Variants in TAT observed in about 807,000 individuals in gnomAD.
The protein encoded by TAT is L-tyrosine:2-oxoglutarate aminotransferase.
A neutral mutation model predicts 53.6 loss-of-function variants in TAT; 35 were observed. The observed-to-expected ratio is 0.65, with a 90% CI of 0.50 to 0.87. The LOEUF (loss-of-function observed/expected upper bound fraction) is 0.87, where lower values mean the gene tolerates loss of function less well. Among genes scored for constraint, TAT ranks in the 40% least tolerant of loss-of-function variants. The pLI is 0.00. For synonymous variants in TAT, 197 were observed against 206.5 expected, an observed-to-expected ratio of 0.95 and a Z score of 0.39; for missense variants, 525 against 571.8, an observed-to-expected ratio of 0.92 and a Z score of 0.83.
intron 3 of TAT, among the ~76,000 whole-genome samples, chr16:71,574,016 A>G (rs76705967): frequency 0.18 from 27,787 of 152,084 alleles, 2,725 homozygotes; most frequent in African/African-American, 0.25. Flanking sequence ...ACTGACAGCT[A>G]TGCCCTGGAG....
rs1467450215 is a variant in TAT at position 71,572,204 on chromosome 16, G to C, written c.688C>G (p.Leu230Val). ...GACGTACCTGCCAGAATCTTCTGAA[G>C]ATGACGTTTGCTGAACACTGACCCA... Reference protein sequence around the residue: ...PCGSVFSKRHLQKILAVAARQ... With the variant: ...PCGSVFSKRHVQKILAVAARQ... Residue 230 changes from leucine (L) to valine (V), a missense_variant, in exon 6 of 12, where the codon CTT (leucine) becomes GTT (valine). Physicochemically the swap from Leu to Val is conservative, Grantham distance 32. Transcript: ENST00000355962. 7 of 1,614,062 alleles carry C rather than the reference G, an allele frequency of 4.3e-6. No individual in the cohort carries two copies. The Admixed American group carries it at 1.2e-4, about 27-fold the overall frequency.
In TAT at chr16:71,569,948, AG is replaced by A. The variant is rs764903489; in HGVS notation, c.1042-12del. The A allele has an allele frequency of 3.7e-6, 6 of 1,611,302 alleles. No individual in the cohort carries two copies. The East Asian group carries it at 1.3e-4, about 36-fold the overall frequency. On this transcript the variant is annotated splice_polypyrimidine_tract_variant and intron_variant, in intron 9 of 11. Transcript: ENST00000355962. ...GAGATCAGCATTGGACTACAAGAAG[AG>A]GCAAGGAGAAATCAAGGATCAAAAT...
intron 10 of TAT, among the ~76,000 whole-genome samples, chr16:71,569,059 G>A (rs2145229551): frequency 6.6e-6 from 1 of 152,264 alleles, no homozygotes; most frequent in South Asian, 2.1e-4. Flanking sequence ...ATGCTAGTAT[G>A]TCTCAAAAGA....
At position 71,576,133 on chromosome 16, in the gene TAT, A is replaced by C. The variant is rs143403026; in HGVS notation, c.235+48T>G. On this transcript the variant is annotated intron_variant, in intron 2 of 11. Coordinates refer to ENST00000355962, the MANE Select transcript of TAT (RefSeq NM_000353.3). ...CTTCTCCAACCAGCCTGTGAACATG[A>C]GAGTAGAGGAGGACAATGACAGCCC... 2.7e-4 allele frequency: 435 copies of C among 1,608,496 alleles called. 3 individuals carry two copies. The East Asian group carries it at 7.2e-3, about 27-fold the overall frequency.
intron 7 of TAT, 45 bp from the exon 8 acceptor site, chr16:71,570,876 A>C (rs771797703): frequency 1.2e-6 from 2 of 1,602,536 alleles, no homozygotes; most frequent in South Asian, 1.1e-5. Context: ...TCTACTTCTC[A>C]CTGCAATCCC....
At position 71,566,371 on chromosome 16, in the gene TAT, T is replaced by C. The variant is rs1444037329; in HGVS notation, c.*1773A>G. 6.7e-6 allele frequency: 1 copy of C among 150,374 alleles called. No homozygotes were observed. 9.3% of individuals were successfully genotyped at this position (150,374 alleles called of 1,614,324 possible). ...AATCTCTAGACTAGTTATGATAGAT[T>C]CCTAACCCCCAACCTTGAAAGGTAA... On this transcript the variant is annotated 3_prime_UTR_variant, in exon 12 of 12. Coordinates refer to ENST00000355962, the MANE Select transcript of TAT (RefSeq NM_000353.3).
rs936347459 is a variant in TAT at position 71,565,725 on chromosome 16, A to ACACACACACACACACT, written c.*2418_*2419insAGTGTGTGTGTGTGTG. 1 of 151,902 alleles carries ACACACACACACACACT rather than the reference A, an allele frequency of 6.6e-6. No individual in the cohort carries two copies. Among genetic ancestry groups the ACACACACACACACACT allele is most frequent in the African/African-American group, 2.4e-5 (1 of 41,290 alleles). 9.4% of individuals were successfully genotyped at this position (151,902 alleles called of 1,614,324 possible). On this transcript the variant is annotated 3_prime_UTR_variant, in exon 12 of 12. Transcript: ENST00000355962. ...TGCACACACACACACACACACACACACTTACATAGGCACAGTATAATCTGG... is the reference window on the plus strand; with the variant it reads ...TGCACACACACACACACACACACACACACACACACACACACTCTTACATAGGCACAGTATAATCTGG...
chr16:71,574,466 A>G (rs939109749), intron 3 of TAT, among the ~76,000 whole-genome samples: 1 of 151,740 alleles, frequency 6.6e-6, no homozygotes, highest in African/African-American at 2.4e-5. Flanking sequence ...CTGTAATCCG[A>G]GCTACTCAGG....
chr16:71,568,099 A>T lies in TAT; in HGVS notation c.*45T>A. The T allele has an allele frequency of 6.2e-7, 1 of 1,613,610 alleles. No individual in the cohort carries two copies. The highest frequency in any genetic ancestry group is 8.5e-7 in the Non-Finnish European group (1 of 1,179,608). On this transcript the variant is annotated 3_prime_UTR_variant, in exon 12 of 12. Transcript: ENST00000355962. ...CCTGAGGAGCCGCAAGGCCTAGTCCAGCCTTCCCTAGATGGGACACATCCT... is the reference window on the plus strand; with the variant it reads ...CCTGAGGAGCCGCAAGGCCTAGTCCTGCCTTCCCTAGATGGGACACATCCT...
intron 10 of TAT, among the ~76,000 whole-genome samples, chr16:71,569,619 G>T (rs2044186787): frequency 6.6e-6 from 1 of 152,232 alleles, no homozygotes; most frequent in African/African-American, 2.4e-5. Flanking sequence ...GGCATTGCAG[G>T]CGTGAGCCAC....
Position 71,570,815 on chromosome 16 carries a change from T to C in TAT, c.776A>G (p.Lys259Arg). The C allele has an allele frequency of 6.2e-7, 1 of 1,614,112 alleles. No homozygotes were observed. Among genetic ancestry groups the C allele is most frequent in the Non-Finnish European group, 8.5e-7 (1 of 1,180,022 alleles). The change falls in exon 8 of 12, where the codon AAA becomes AGA. Residue 259 changes from lysine (K) to arginine (R), a missense_variant. Coordinates refer to ENST00000355962, the MANE Select transcript of TAT (RefSeq NM_000353.3). ...GCTGAGGGTGGCCAGTGGTTCATAT[T>C]TGCAATCCGAAAACACCTGAGAAGA... is the stretch of plus-strand genomic sequence containing the variant. ...IYGDMVFSDC[K>R]YEPLATLSTD...
rs578142109 is a variant in TAT, at chr16:71,570,929, A to G, written c.760-98T>C. 7.3e-5 allele frequency: 106 copies of G among 1,447,868 alleles called. No homozygotes were observed. In the South Asian group the frequency reaches 1.2e-3, roughly 17 times the overall value. The allele number at this position is 1,447,868 out of a possible 1,614,324, so 89.7% of individuals were successfully genotyped here. On this transcript the variant is annotated intron_variant, in intron 7 of 11. Coordinates refer to ENST00000355962, the MANE Select transcript of TAT (RefSeq NM_000353.3). ...CCCATTTCCTTCTATCACTAGGGAC[A>G]GGTCCTTGGATTAATGGGATCATCC... is the stretch of plus-strand genomic sequence containing the variant.
chr16:71,571,714 A>T (rs1376980593), intron 6 of TAT, 56 bp from the exon 7 acceptor site: 1 of 1,485,606 alleles, frequency 6.7e-7, no homozygotes, highest in African/African-American at 1.4e-5. Context: ...ATCATGTAAT[A>T]GTCACATAAT....
chr16:71,574,560 A>G (rs2044224101), intron 3 of TAT, among the ~76,000 whole-genome samples: 1 of 147,898 alleles, frequency 6.8e-6, no homozygotes, highest in African/African-American at 2.5e-5. Context: ...CGCCTGGGCA[A>G]CAAGAGCGAA....
Position 71,566,032 on chromosome 16 carries a change from C to T in TAT, c.*2112G>A, listed in dbSNP as rs1233828004. The T allele has an allele frequency of 6.6e-6, 1 of 152,082 alleles. No individual in the cohort carries two copies. The highest frequency in any genetic ancestry group is 1.5e-5 in the Non-Finnish European group (1 of 68,014). The allele number at this position is 152,082 out of a possible 1,614,324, so 9.4% of individuals were successfully genotyped here. ...TGTCTTTTGTAAATCACTGAGTCTT[C>T]CTGTTTATTTCTGGTTAGAGATCTT... On this transcript the variant is annotated 3_prime_UTR_variant, in exon 12 of 12. Coordinates refer to ENST00000355962, the MANE Select transcript of TAT (RefSeq NM_000353.3).
chr16:71,575,485 T>C (rs1466718195), intron 3 of TAT: 2 of 255,266 alleles, frequency 7.8e-6, no homozygotes, highest in Non-Finnish European at 1.5e-5. Flanking sequence ...TTCAATGTGC[T>C]CAGGACCATA....
At position 71,569,930 on chromosome 16, in the gene TAT, G is replaced by C; in HGVS notation, c.1049C>G (p.Ala350Gly). ...AGCCAACGCCCCATAACAGAGATCA[G>C]CATTGGACTACAAGAAGAGGCAAGG... Reference protein sequence around the residue: ...HNTLSFLKSNADLCYGALAAI... With the variant: ...HNTLSFLKSNGDLCYGALAAI... Residue 350 changes from alanine to glycine, a missense_variant, in exon 10 of 12, where the codon GCT becomes GGT. Coordinates refer to ENST00000355962, the MANE Select transcript of TAT (RefSeq NM_000353.3). 1 of 1,613,448 alleles carries C rather than the reference G, an allele frequency of 6.2e-7. No individual in the cohort carries two copies. The highest frequency in any genetic ancestry group is 1.7e-5 in the Admixed American group (1 of 59,962).
chr16:71,568,051 C>T lies in TAT; in HGVS notation c.*93G>A. The T allele has an allele frequency of 6.5e-7, 1 of 1,529,452 alleles. No homozygotes were observed. The highest frequency in any genetic ancestry group is 9.0e-7 in the Non-Finnish European group (1 of 1,106,510). 94.7% of individuals were successfully genotyped at this position (1,529,452 alleles called of 1,614,324 possible). On this transcript the variant is annotated 3_prime_UTR_variant, in exon 12 of 12. Coordinates refer to ENST00000355962, the MANE Select transcript of TAT (RefSeq NM_000353.3). ...TTGACATGGTGCATTTGAGGCCCCT[C>T]TCCCAGTAGGGCCACCTGAGTCCCT...
At chr16:71,570,005 A>G (rs190002144) in intron 9 of TAT, 68 bp from the exon 10 acceptor site, 1 of 1,494,610 alleles carries the variant, frequency 6.7e-7, no homozygotes, top group East Asian at 2.4e-5. Context: ...GTCATTAAAA[A>G]TAGCCCCCTC....
Sources: allele counts gnomAD v4.1 joint callset (sites outside exome capture counted in the v4.1 genomes callset), GRCh38; gene constraint gnomAD v4.1.1; transcripts MANE v1.5; gene names NCBI Gene and HGNC (gene_info 2026-07-23, HGNC 2026-07-21).